The following USP34 variants were observed in gnomAD, a reference collection of about 807,000 sequenced individuals.
USP34 encodes the protein ubiquitin carboxyl-terminal hydrolase 34.
Under a neutral mutation model 460.3 loss-of-function variants are expected in USP34, and 70 were observed. The observed-to-expected ratio is 0.15, with a 90% CI of 0.13 to 0.19. The LOEUF is 0.19. Among genes scored for constraint, USP34 ranks in the 10% least tolerant of loss-of-function variants. The pLI is 1.00. For missense variants in USP34, 3,985 were observed against 4,236.2 expected, an observed-to-expected ratio of 0.94 and a Z score of 1.65; for synonymous variants, 1,647 against 1,405.3, an observed-to-expected ratio of 1.17 and a Z score of -3.85.
intron 75 of USP34, chr2:61,193,365 T>TAAAAAAAAAAAAAAAAAAAAAA (rs577314106): frequency 2.1e-5 from 2 of 97,242 alleles, no homozygotes; most frequent in African/African-American, 3.7e-5. Context: ...AGGGGAAAGG[T>TAAAAAAAAAAAAAAAAAAAAAA]AAAAAAAAAA....
intron 48 of USP34, among the ~76,000 whole-genome samples, chr2:61,253,739 T>C (rs1688648513): frequency 7.2e-6 from 1 of 139,112 alleles, no homozygotes; most frequent in African/African-American, 2.6e-5. Context: ...TTTTTATTGC[T>C]TTTTTTTTTT....
chr2:61,470,286 C>T (rs1280976010), intron 1 of USP34, among the ~76,000 whole-genome samples: 1 of 152,204 alleles, frequency 6.6e-6, no homozygotes, highest in African/African-American at 2.4e-5. Flanking sequence ...AAAGCCTCGT[C>T]CTCCGACCCC....
intron 50 of USP34, 74 bp downstream of exon 50, chr2:61,246,250 A>G: frequency 8.0e-7 from 1 of 1,255,820 alleles, no homozygotes; most frequent in Non-Finnish European, 1.0e-6. Context: ...AAGTTTTTAG[A>G]AAACTAAACA....
intron 33 of USP34, among the ~76,000 whole-genome samples, chr2:61,291,327 C>G (rs1201720487): frequency 6.6e-6 from 1 of 152,092 alleles, no homozygotes. Context: ...GAAACTGGAA[C>G]CCTCACACAT....
chr2:61,261,827 G>C (rs1688887228), intron 43 of USP34, among the ~76,000 whole-genome samples: 1 of 151,930 alleles, frequency 6.6e-6, no homozygotes, highest in Non-Finnish European at 1.5e-5. Flanking sequence ...ATTTTTGGCT[G>C]GGCGCGGTGG....
chr2:61,336,115 C>T (rs1270578470), intron 18 of USP34, among the ~76,000 whole-genome samples: 1 of 146,904 alleles, frequency 6.8e-6, no homozygotes. Context: ...GGAAGCAAAA[C>T]AAATTGTGTG....
At chr2:61,274,076 T>C (rs951925850) in intron 41 of USP34, among the ~76,000 whole-genome samples, 2 of 151,286 alleles carry the variant, frequency 1.3e-5, no homozygotes, top group South Asian at 2.1e-4. Flanking sequence ...CCTGACTACA[T>C]GAAAAAAAAA....
chr2:61,269,732 T>C (rs1004092279), intron 41 of USP34, among the ~76,000 whole-genome samples: 3 of 152,158 alleles, frequency 2.0e-5, no homozygotes, highest in Non-Finnish European at 4.4e-5. Flanking sequence ...TTAATGTACA[T>C]CCTTGACATT....
In USP34 at chr2:61,308,175, G is replaced by A. The variant is rs541082587; in HGVS notation, c.3817+3365C>T. On this transcript the variant is annotated intron_variant, in intron 27 of 79. Transcript: ENST00000398571. ...CTAAATATGTGCTAAAAGAGAAAAT[G>A]AAGAGATGGGACAAACAGAAAATAT... is the stretch of plus-strand genomic sequence containing the variant. 5.3e-5 allele frequency among the ~76,000 whole-genome samples: 8 copies of A among 152,256 alleles called. No individual in the cohort carries two copies. The South Asian group carries it at 1.7e-3, about 32-fold the overall frequency.
intron 60 of USP34, 47 bp from the exon 61 acceptor site, chr2:61,228,766 T>G: frequency 6.3e-7 from 1 of 1,596,396 alleles, no homozygotes. Context: ...ATAAAAGCAA[T>G]TAAGTTGCAA....
At chr2:61,212,027 T>A (rs2103787607) in intron 68 of USP34, 98 bp from the exon 69 acceptor site, 1 of 1,319,470 alleles carries the variant, frequency 7.6e-7, no homozygotes, top group East Asian at 2.7e-5. Context: ...CTTAAAATTA[T>A]ACAAATAAGC....
intron 1 of USP34, among the ~76,000 whole-genome samples, chr2:61,465,180 T>TTA (rs1389660865): frequency 6.6e-6 from 1 of 152,096 alleles, no homozygotes; most frequent in Non-Finnish European, 1.5e-5. Context: ...TGTGTCAAGA[T>TTA]TATATTTAAA....
intron 8 of USP34, among the ~76,000 whole-genome samples, chr2:61,376,672 T>G (rs910110712): frequency 6.6e-6 from 1 of 152,180 alleles, no homozygotes; most frequent in Non-Finnish European, 1.5e-5. Flanking sequence ...TTCTGAGACA[T>G]ACTCTTGCTC....
At chr2:61,220,617 C>T (rs1445055678) in intron 66 of USP34, among the ~76,000 whole-genome samples, 160 bp from the exon 67 acceptor site, 1 of 152,052 alleles carries the variant, frequency 6.6e-6, no homozygotes, top group Non-Finnish European at 1.5e-5. Context: ...TTTAAAGCTA[C>T]TTTTACTTTT....
At chr2:61,407,579 A>T (rs1410479415) in intron 2 of USP34, among the ~76,000 whole-genome samples, 1 of 152,216 alleles carries the variant, frequency 6.6e-6, no homozygotes, top group Non-Finnish European at 1.5e-5. Flanking sequence ...CCAAGTGTGA[A>T]TTTGAAGTAC....
chr2:61,253,901 A>AT (rs1405896854), intron 48 of USP34, among the ~76,000 whole-genome samples: 1 of 152,026 alleles, frequency 6.6e-6, no homozygotes, highest in African/African-American at 2.4e-5. Flanking sequence ...CAACCGGCTA[A>AT]TTTTTGTATT....
intron 1 of USP34, among the ~76,000 whole-genome samples, chr2:61,430,341 T>C (rs1297720738): frequency 2.6e-5 from 4 of 151,814 alleles, no homozygotes; most frequent in African/African-American, 9.7e-5. Flanking sequence ...GAGGCAGAGG[T>C]TGCAATGAGC....
chr2:61,326,856 T>A (rs1691108247), intron 20 of USP34, among the ~76,000 whole-genome samples: 1 of 146,894 alleles, frequency 6.8e-6, no homozygotes, highest in Non-Finnish European at 1.5e-5. Context: ...TGATCTCAGC[T>A]CACTGCAACC....
chr2:61,188,782 G>C, intron 79 of USP34, 73 bp from the exon 80 acceptor site: 1 of 1,567,846 alleles, frequency 6.4e-7, no homozygotes, highest in African/African-American at 1.4e-5. Context: ...GATGTGGGAA[G>C]TTAATTTTGT....
Sources: allele counts gnomAD v4.1 joint callset (sites outside exome capture counted in the v4.1 genomes callset), GRCh38; gene constraint gnomAD v4.1.1; transcripts MANE v1.5; gene names NCBI Gene and HGNC (gene_info 2026-07-23, HGNC 2026-07-21).